LINGO2: variants seen among roughly 807,000 people sequenced by gnomAD.
LINGO2 encodes leucine rich repeat and Ig domain containing 2, also known as leucine-rich repeat and immunoglobulin-like domain-containing nogo receptor-interacting protein 2.
LINGO2 carries 14 observed loss-of-function variants against 30.6 expected under a neutral mutation model. That is an observed-to-expected ratio of 0.46 (90% CI 0.30 to 0.72). The LOEUF is 0.72. Among genes scored for constraint, LINGO2 ranks in the 30% least tolerant of loss-of-function variants. The pLI, the probability that LINGO2 is intolerant of heterozygous loss-of-function variation, is 0.07. For synonymous variants in LINGO2, 317 were observed against 288.5 expected (o/e 1.10, Z -1.00); for missense variants, 729 against 751.7 (o/e 0.97, Z 0.35).
chr9:28,314,024 C>T (rs534438365), intron 3 of LINGO2, among the ~76,000 whole-genome samples: 9 of 152,154 alleles, frequency 5.9e-5, no homozygotes, highest in South Asian at 2.1e-4. Context: ...GGCTCCACCC[C>T]GCGGGGTTCC....
chr9:29,019,437 T>G, the LINGO2 span, among the ~76,000 whole-genome samples: 12 of 152,206 alleles, frequency 7.9e-5, no homozygotes, highest in Non-Finnish European at 1.6e-4. Flanking sequence ...GTTTTGTTAT[T>G]TATACCCCCC....
chr9:28,033,437 C>T (rs1823779508), intron 4 of LINGO2, among the ~76,000 whole-genome samples: 1 of 152,058 alleles, frequency 6.6e-6, no homozygotes, highest in Non-Finnish European at 1.5e-5. Flanking sequence ...GCTGTTCTGC[C>T]CTACTGAAAC....
At chr9:28,207,912 T>C (rs1434371622) in intron 4 of LINGO2, among the ~76,000 whole-genome samples, 1 of 152,056 alleles carries the variant, frequency 6.6e-6, no homozygotes, top group Admixed American at 6.6e-5. Context: ...GGCTCTTCTG[T>C]ATGCCTCACA....
chr9:28,219,014 T>C lies in LINGO2; in HGVS notation c.-87+76194A>G, dbSNP rs183322934. ...AGTGACCATTTGCCAGAAATTCTAA[T>C]CATTTAGTCCTTTAAATAATAACAC... On this transcript the variant is annotated intron_variant, in intron 4 of 5. Transcript: ENST00000379992. 8.1e-4 allele frequency among the ~76,000 whole-genome samples: 123 copies of C among 152,324 alleles called. 2 individuals carry two copies. The highest frequency in any genetic ancestry group is 2.8e-3 in the African/African-American group (118 of 41,578).
At position 28,149,197 on chromosome 9, in the gene LINGO2, G is replaced by T; in HGVS notation, c.-86-136792C>A. On this transcript the variant is annotated intron_variant, in intron 4 of 5. Transcript: ENST00000379992. ...TAAGAGAGCTGCTTAGGAGGAGAAA[G>T]AAGAGATGGTAGGGCAGGCGTGGTG... 9.7e-6 allele frequency: 12 copies of T among 1,243,058 alleles called. No homozygotes were observed. The South Asian group carries it at 1.5e-4, about 16-fold the overall frequency. The allele number at this position is 1,243,058 out of a possible 1,614,324, so 77.0% of individuals were successfully genotyped here.
intron 4 of LINGO2, among the ~76,000 whole-genome samples, chr9:28,229,986 G>A (rs1821301788): frequency 6.6e-6 from 1 of 151,624 alleles, no homozygotes; most frequent in African/African-American, 2.4e-5. Context: ...AACACCAAAA[G>A]TTTCAACAAA....
At chr9:28,426,506 C>G (rs1165970120) in intron 2 of LINGO2, among the ~76,000 whole-genome samples, 1 of 152,036 alleles carries the variant, frequency 6.6e-6, no homozygotes, top group East Asian at 1.9e-4. Context: ...CACTACTCTG[C>G]CACCATTGGT....
chr9:28,797,345 TATATATATATATATAGAGAG>T, the LINGO2 span, among the ~76,000 whole-genome samples: 2 of 70,880 alleles, frequency 2.8e-5, no homozygotes, highest in African/African-American at 9.5e-5. Context: ...TATATATATA[TATATATATATATATAGAGAG>T]AGAGAGAGAG....
chr9:28,578,358 C>T (rs1026202839), intron 1 of LINGO2, among the ~76,000 whole-genome samples: 2 of 152,040 alleles, frequency 1.3e-5, no homozygotes, highest in African/African-American at 4.8e-5. Flanking sequence ...ATTCTCTAGC[C>T]AGATTTAGGT....
the LINGO2 span, among the ~76,000 whole-genome samples, chr9:28,907,407 T>G: frequency 1.3e-5 from 2 of 151,792 alleles, no homozygotes; most frequent in East Asian, 3.9e-4. Context: ...CTTTCAGTCT[T>G]AAAAATTTTT....
At chr9:28,980,408 C>G in the LINGO2 span, among the ~76,000 whole-genome samples, 1 of 152,048 alleles carries the variant, frequency 6.6e-6, no homozygotes, top group Non-Finnish European at 1.5e-5. Flanking sequence ...TGCTTCTCAT[C>G]TCAATCAGAA....
chr9:28,939,243 A>G, the LINGO2 span, among the ~76,000 whole-genome samples: 1 of 151,898 alleles, frequency 6.6e-6, no homozygotes, highest in Non-Finnish European at 1.5e-5. Context: ...GAGAACAGCC[A>G]CTCCTCCTCT....
At chr9:28,266,828 A>G (rs1822767166) in intron 4 of LINGO2, among the ~76,000 whole-genome samples, 1 of 152,062 alleles carries the variant, frequency 6.6e-6, no homozygotes, top group Non-Finnish European at 1.5e-5. Flanking sequence ...TTGTGCCCTG[A>G]GTAAGCTATG....
At chr9:28,314,970 A>G (rs1332360642) in intron 3 of LINGO2, among the ~76,000 whole-genome samples, 1 of 148,778 alleles carries the variant, frequency 6.7e-6, no homozygotes, top group African/African-American at 2.5e-5. Context: ...AGATCGCGCC[A>G]CTCCAGTCCA....
At chr9:29,098,448 T>TAC in the LINGO2 span, among the ~76,000 whole-genome samples, 1,418 of 149,588 alleles carry the variant, frequency 9.5e-3, 21 homozygotes, top group African/African-American at 0.024. Context: ...GGATGAGGGA[T>TAC]ACACACACAC....
chr9:27,986,252 A>AAC (rs144531403), intron 5 of LINGO2, among the ~76,000 whole-genome samples: 408 of 150,322 alleles, frequency 2.7e-3, no homozygotes, highest in African/African-American at 8.1e-3. Flanking sequence ...TCCCCAACTC[A>AAC]ACACACACAC....
intron 5 of LINGO2, among the ~76,000 whole-genome samples, chr9:27,999,528 T>TTA (rs1475758941): frequency 6.6e-6 from 1 of 151,652 alleles, no homozygotes; most frequent in East Asian, 2.0e-4. Context: ...GTGATAGACC[T>TTA]TATATATAAA....
At chr9:28,732,257 T>G in the LINGO2 span, among the ~76,000 whole-genome samples, 1 of 151,844 alleles carries the variant, frequency 6.6e-6, no homozygotes, top group Non-Finnish European at 1.5e-5. Flanking sequence ...CCCTGGAATC[T>G]CCAAGCAAAC....
chr9:28,060,929 G>T (rs1825123869), intron 4 of LINGO2, among the ~76,000 whole-genome samples: 1 of 151,802 alleles, frequency 6.6e-6, no homozygotes, highest in South Asian at 2.1e-4. Flanking sequence ...TCTTCTTATA[G>T]GAACACTAAC....
Sources: allele counts gnomAD v4.1 joint callset (sites outside exome capture counted in the v4.1 genomes callset), GRCh38; gene constraint gnomAD v4.1.1; transcripts MANE v1.5; gene names NCBI Gene and HGNC (gene_info 2026-07-23, HGNC 2026-07-21).